Variants in TMEM108 observed in about 807,000 individuals in gnomAD.
TMEM108 encodes the protein transmembrane protein 108.
In TMEM108, 12 loss-of-function variants were observed where a neutral mutation model predicts 35.1. That is an observed-to-expected ratio of 0.34 (90% CI 0.22 to 0.55). The LOEUF is 0.55. Among genes scored for constraint, TMEM108 ranks in the 20% least tolerant of loss-of-function variants. The pLI, the probability that TMEM108 is intolerant of heterozygous loss-of-function variation, is 0.89. For missense variants in TMEM108, 680 were observed against 753.3 expected, an observed-to-expected ratio of 0.90 and a Z score of 1.14; for synonymous variants, 287 against 308.6, an observed-to-expected ratio of 0.93 and a Z score of 0.73.
intron 2 of TMEM108, among the ~76,000 whole-genome samples, chr3:133,123,358 G>C (rs1170646618): frequency 6.6e-6 from 1 of 152,174 alleles, no homozygotes; most frequent in Admixed American, 6.5e-5. Flanking sequence ...TTCAAGGCAA[G>C]GGAATTACTG....
intron 2 of TMEM108, among the ~76,000 whole-genome samples, chr3:133,107,545 G>C (rs1017223228): frequency 6.6e-6 from 1 of 151,878 alleles, no homozygotes; most frequent in Non-Finnish European, 1.5e-5. Flanking sequence ...AGGGAAAAGT[G>C]TGTAGTGGAA....
In TMEM108 at chr3:133,076,063, G is replaced by A. The variant is rs528437069; in HGVS notation, c.-47+30043G>A. Among the ~76,000 whole-genome samples the A allele has an allele frequency of 3.3e-5, 5 of 152,230 alleles. No homozygotes were observed. In the South Asian group the frequency reaches 1.0e-3, roughly 32 times the overall value. ...AAGGAATGTGGTGCTGAGTAATGTG[G>A]GGACCCTCGAGATTTGGGTAAGGAG... On this transcript the variant is annotated intron_variant, in intron 2 of 5. Coordinates refer to ENST00000321871, the MANE Select transcript of TMEM108 (RefSeq NM_023943.4).
At chr3:133,363,419 T>A (rs1312006619) in intron 3 of TMEM108, among the ~76,000 whole-genome samples, 2 of 150,466 alleles carry the variant, frequency 1.3e-5, no homozygotes, top group Non-Finnish European at 3.0e-5. Context: ...TTTCATTATT[T>A]TTTTTTTTTT....
intron 2 of TMEM108, among the ~76,000 whole-genome samples, chr3:133,224,302 C>T (rs1946035732): frequency 6.6e-6 from 1 of 152,120 alleles, no homozygotes; most frequent in Non-Finnish European, 1.5e-5. Flanking sequence ...AACATGGTCT[C>T]TTCTCTTTCA....
intron 2 of TMEM108, among the ~76,000 whole-genome samples, chr3:133,224,504 G>A (rs1044712993): frequency 6.6e-6 from 1 of 152,148 alleles, no homozygotes. Flanking sequence ...GTTGTGGGAA[G>A]GGGGACTCAG....
In TMEM108 at chr3:133,395,826, TCTCCAGCTCACTC is replaced by T. The variant is rs755152807; in HGVS notation, c.1606-36_1606-24del. 6.7e-6 allele frequency: 10 copies of T among 1,499,412 alleles called. No homozygotes were observed. In the South Asian group the frequency reaches 1.4e-4, roughly 21 times the overall value. The allele number at this position is 1,499,412 out of a possible 1,614,324, so 92.9% of individuals were successfully genotyped here. On this transcript the variant is annotated intron_variant, in intron 5 of 5. Coordinates refer to ENST00000321871, the MANE Select transcript of TMEM108 (RefSeq NM_023943.4). ...TTAAGAATGGCCACCTCTTAAGCCT[TCTCCAGCTCACTC>T]CATCTCCTCCCTCTCTCTTCCCAGG...
At chr3:133,176,110 A>G (rs1405594952) in intron 2 of TMEM108, among the ~76,000 whole-genome samples, 1 of 152,182 alleles carries the variant, frequency 6.6e-6, no homozygotes, top group Non-Finnish European at 1.5e-5. Flanking sequence ...TCAATTCAAC[A>G]AGAAGAGCTA....
intron 2 of TMEM108, among the ~76,000 whole-genome samples, chr3:133,212,053 A>C (rs1408042288): frequency 6.6e-6 from 1 of 152,130 alleles, no homozygotes; most frequent in African/African-American, 2.4e-5. Context: ...TGGCTGGAGG[A>C]CTTGCAGAAT....
chr3:133,203,136 T>G (rs1264930544), intron 2 of TMEM108, among the ~76,000 whole-genome samples: 1 of 152,256 alleles, frequency 6.6e-6, no homozygotes, highest in South Asian at 2.1e-4. Flanking sequence ...TTTTGCACGT[T>G]GATTTTGTAT....
rs189418258 is a variant in TMEM108 at position 133,175,660 on chromosome 3, C to T, written c.-46-53606C>T. Among the ~76,000 whole-genome samples the T allele has an allele frequency of 1.1e-4, 16 of 152,294 alleles. No homozygotes were observed. In the East Asian group the frequency reaches 1.4e-3, roughly 13 times the overall value. Reference sequence around the variant, plus strand: ...CACCACCAGGCCTGCCCTAAAAGAGCTCCTGAAGGAAGCACTAAACATGGA... The same window carrying T: ...CACCACCAGGCCTGCCCTAAAAGAGTTCCTGAAGGAAGCACTAAACATGGA... On this transcript the variant is annotated intron_variant, in intron 2 of 5. Transcript: ENST00000321871.
intron 2 of TMEM108, among the ~76,000 whole-genome samples, chr3:133,125,961 T>C (rs996397320): frequency 6.6e-6 from 1 of 152,200 alleles, no homozygotes; most frequent in African/African-American, 2.4e-5. Context: ...GGAACACCAA[T>C]GTCATTTTTA....
intron 2 of TMEM108, among the ~76,000 whole-genome samples, chr3:133,186,634 T>C (rs1274066655): frequency 6.6e-6 from 1 of 152,170 alleles, no homozygotes; most frequent in Non-Finnish European, 1.5e-5. Flanking sequence ...CCTCCATTGA[T>C]TTGTGTCATT....
intron 3 of TMEM108, among the ~76,000 whole-genome samples, chr3:133,350,764 G>A (rs116510661): frequency 7.2e-5 from 11 of 152,232 alleles, no homozygotes; most frequent in Non-Finnish European, 1.0e-4. Context: ...GGAACTACAG[G>A]TCAGAGAATT....
intron 2 of TMEM108, among the ~76,000 whole-genome samples, chr3:133,151,861 C>G (rs949326451): frequency 6.6e-6 from 1 of 152,088 alleles, no homozygotes; most frequent in Non-Finnish European, 1.5e-5. Context: ...ACAGCACCTC[C>G]GTATCCTGAG....
chr3:133,304,006 T>C (rs2107705474), intron 3 of TMEM108, among the ~76,000 whole-genome samples: 1 of 152,334 alleles, frequency 6.6e-6, no homozygotes, highest in South Asian at 2.1e-4. Flanking sequence ...GAGATCCAGC[T>C]TCAACCCATA....
intron 2 of TMEM108, among the ~76,000 whole-genome samples, chr3:133,107,880 G>C (rs1437680981): frequency 6.6e-6 from 1 of 152,140 alleles, no homozygotes; most frequent in Non-Finnish European, 1.5e-5. Flanking sequence ...AGTCTAAAGT[G>C]GCTCCACATC....
At chr3:133,057,442 T>C (rs1943481478) in intron 2 of TMEM108, among the ~76,000 whole-genome samples, 4 of 6,712 alleles carry the variant, frequency 6.0e-4, no homozygotes, top group African/African-American at 8.7e-4. Flanking sequence ...TGTGTATATA[T>C]ATATATATAT....
chr3:133,387,856 A>T (rs991572672), intron 4 of TMEM108: 14 of 985,322 alleles, frequency 1.4e-5, no homozygotes, highest in African/African-American at 1.7e-5. Flanking sequence ...TGCCCTATTG[A>T]CTAGGCCTAA....
intron 3 of TMEM108, among the ~76,000 whole-genome samples, chr3:133,234,317 A>G (rs570839569): frequency 1.3e-5 from 2 of 152,316 alleles, no homozygotes; most frequent in Admixed American, 6.5e-5. Flanking sequence ...TTTTAGACCA[A>G]TATCCTTGAT....
Sources: allele counts gnomAD v4.1 joint callset (sites outside exome capture counted in the v4.1 genomes callset), GRCh38; gene constraint gnomAD v4.1.1; transcripts MANE v1.5; gene names NCBI Gene and HGNC (gene_info 2026-07-23, HGNC 2026-07-21).